Variants in PRKN observed in about 807,000 individuals in gnomAD.
PRKN encodes the protein E3 ubiquitin-protein ligase parkin.
A neutral mutation model predicts 59.5 loss-of-function variants in PRKN; 56 were observed. That is an observed-to-expected ratio of 0.94 (90% CI 0.76 to 1.18). The LOEUF is 1.18. Ranked by LOEUF, PRKN falls within the 50% of genes most tolerant of loss-of-function variation. The probability of loss-of-function intolerance (pLI) is 0.00; values close to 1 mark genes in which losing one functional copy is unlikely to be tolerated. For missense variants in PRKN, 657 were observed against 596.4 expected, an observed-to-expected ratio of 1.10 and a Z score of -1.06; for synonymous variants, 250 against 222.1, an observed-to-expected ratio of 1.13 and a Z score of -1.12.
At chr6:161,496,934 C>A (rs1232766856) in intron 9 of PRKN, among the ~76,000 whole-genome samples, 1 of 152,200 alleles carries the variant, frequency 6.6e-6, no homozygotes, top group Non-Finnish European at 1.5e-5. Context: ...ACCTTGGAGG[C>A]ACCTTGATTT....
At chr6:162,271,018 T>G (rs932812532) in intron 2 of PRKN, among the ~76,000 whole-genome samples, 3 of 143,688 alleles carry the variant, frequency 2.1e-5, no homozygotes, top group East Asian at 2.0e-4. Context: ...ATTTTCTAGT[T>G]TTTTTTTTTT....
chr6:162,112,722 T>C (rs1473133282), intron 4 of PRKN, among the ~76,000 whole-genome samples: 1 of 151,828 alleles, frequency 6.6e-6, no homozygotes, highest in African/African-American at 2.4e-5. Flanking sequence ...GAGGATCACT[T>C]GAGCCCCGGA....
chr6:162,713,246 G>A (rs1032844183), intron 1 of PRKN, among the ~76,000 whole-genome samples: 2 of 152,126 alleles, frequency 1.3e-5, no homozygotes, highest in African/African-American at 4.8e-5. Flanking sequence ...TGTAATCCCA[G>A]CACTTTGGGA....
intron 2 of PRKN, among the ~76,000 whole-genome samples, chr6:162,406,284 G>A (rs569846036): frequency 5.9e-5 from 9 of 152,314 alleles, no homozygotes; most frequent in Non-Finnish European, 1.3e-4. Flanking sequence ...ATGGCTGCAA[G>A]AGTTGGAACT....
intron 2 of PRKN, among the ~76,000 whole-genome samples, chr6:162,407,321 CA>C (rs1377082530): frequency 6.6e-6 from 1 of 152,180 alleles, no homozygotes; most frequent in Non-Finnish European, 1.5e-5. Context: ...TGATGTACTC[CA>C]AGTTATTTTC....
chr6:162,488,041 T>G (rs999193549), intron 1 of PRKN, among the ~76,000 whole-genome samples: 3 of 150,660 alleles, frequency 2.0e-5, no homozygotes, highest in African/African-American at 7.3e-5. Flanking sequence ...TTTTTTTTTT[T>G]TTTTTTTTTT....
chr6:161,938,695 T>A (rs758692048), intron 6 of PRKN, among the ~76,000 whole-genome samples: 18 of 152,168 alleles, frequency 1.2e-4, no homozygotes, highest in Non-Finnish European at 2.4e-4. Context: ...GTCATCTGAT[T>A]TATGGGTATG....
intron 2 of PRKN, among the ~76,000 whole-genome samples, chr6:162,430,446 T>G (rs1789463249): frequency 6.6e-6 from 1 of 152,192 alleles, no homozygotes; most frequent in Admixed American, 6.5e-5. Context: ...TGGACATATT[T>G]GTACACTGTG....
chr6:162,281,106 T>A (rs923384337), intron 2 of PRKN, among the ~76,000 whole-genome samples: 1 of 152,104 alleles, frequency 6.6e-6, no homozygotes, highest in African/African-American at 2.4e-5. Flanking sequence ...GATGAGTTCA[T>A]GTCTTTTGCA....
At chr6:162,518,524 G>A (rs779928360) in intron 1 of PRKN, among the ~76,000 whole-genome samples, 10 of 151,974 alleles carry the variant, frequency 6.6e-5, no homozygotes, top group South Asian at 2.1e-4. Context: ...GTGCCACCAC[G>A]TATGGCTAAT....
rs140595052 is a variant in PRKN, at chr6:162,714,454, T to C, written c.7+13208A>G. Among the ~76,000 whole-genome samples, 749 of 152,248 alleles carry C rather than the reference T, an allele frequency of 4.9e-3. 6 individuals are homozygous for C. The highest frequency in any genetic ancestry group is 9.3e-3 in the Non-Finnish European group (635 of 68,020). On this transcript the variant is annotated intron_variant, in intron 1 of 11. Coordinates refer to ENST00000366898, the MANE Select transcript of PRKN (RefSeq NM_004562.3). ...TTTTTTAAAAAACCCTTCGGAATAA[T>C]TTAAATGAGCTCCCACCCAAATTAA...
rs903261541 is a variant in PRKN, at chr6:161,419,850, A to T, written c.1084-32973T>A. Among the ~76,000 whole-genome samples, 6 of 151,970 alleles carry T rather than the reference A, an allele frequency of 3.9e-5. No individual in the cohort carries two copies. Among genetic ancestry groups the T allele is most frequent in the South Asian group, 2.1e-4 (1 of 4,814 alleles). On this transcript the variant is annotated intron_variant, in intron 9 of 11. Transcript: ENST00000366898. This position sits in a 1 kb window ranked among gnomAD's most constrained non-coding sequence, Gnocchi z 4.1. ...ATTTATTTCACTGTGAAAGGGGGAA[A>T]TTGGTACCTACTTGTGGGATTGCTG...
intron 1 of PRKN, among the ~76,000 whole-genome samples, chr6:162,498,826 G>A (rs1316485356): frequency 1.4e-5 from 2 of 140,734 alleles, no homozygotes; most frequent in Admixed American, 7.2e-5. Flanking sequence ...AGGTTTATGA[G>A]AATTGGACAG....
Position 162,303,103 on chromosome 6 carries a change from C to T in PRKN, c.172-40338G>A, listed in dbSNP as rs79769699. ...GTTACTCATATTTGGAAAGGTAATT[C>T]AGTACTATTTGTTCTGCTATGGTGT... On this transcript the variant is annotated intron_variant, in intron 2 of 11. Coordinates refer to ENST00000366898, the MANE Select transcript of PRKN (RefSeq NM_004562.3). Among the ~76,000 whole-genome samples the T allele has an allele frequency of 3.3e-5, 5 of 150,494 alleles. No individual in the cohort carries two copies. The East Asian group carries it at 7.7e-4, about 23-fold the overall frequency.
In PRKN at chr6:161,911,805, A is replaced by G. The variant is rs187665525; in HGVS notation, c.734+61497T>C. On this transcript the variant is annotated intron_variant, in intron 6 of 11. Transcript: ENST00000366898. ...ATTACAAAGTTTAATTTAGATCTCCATTGTATTCCTTAAAAACAAAGTAAA... is the reference window on the plus strand; with the variant it reads ...ATTACAAAGTTTAATTTAGATCTCCGTTGTATTCCTTAAAAACAAAGTAAA... 2.6e-3 allele frequency among the ~76,000 whole-genome samples: 391 copies of G among 152,326 alleles called. 1 individual carries two copies. Among genetic ancestry groups the G allele is most frequent in the Non-Finnish European group, 4.7e-3 (318 of 68,034 alleles).
intron 1 of PRKN, among the ~76,000 whole-genome samples, chr6:162,556,341 T>TGGGGGG (rs201876234): frequency 1.5e-4 from 14 of 93,100 alleles, no homozygotes; most frequent in Admixed American, 3.1e-4. Context: ...ACTACTCAGC[T>TGGGGGG]GGTGTGTGTG....
In PRKN at chr6:162,543,519, T is replaced by A. The variant is rs148778592; in HGVS notation, c.8-100046A>T. Among the ~76,000 whole-genome samples, 301 of 152,142 alleles carry A rather than the reference T, an allele frequency of 2.0e-3. 3 individuals are homozygous for A. The highest frequency in any genetic ancestry group is 7.0e-3 in the African/African-American group (290 of 41,490). ...AACCCAGGTAGCCTTTGTTCTAAAT[T>A]TGTATAAGTGTGTTCTAAGTTCCTC... On this transcript the variant is annotated intron_variant, in intron 1 of 11. Transcript: ENST00000366898.
At chr6:161,486,883 T>G (rs60245246) in intron 9 of PRKN, among the ~76,000 whole-genome samples, 4,454 of 152,314 alleles carry the variant, frequency 0.029, 202 homozygotes, top group African/African-American at 0.1. Flanking sequence ...CAAGGATTTT[T>G]CAAGAACTTG....
At chr6:162,170,325 T>G (rs180969649) in intron 4 of PRKN, among the ~76,000 whole-genome samples, 79 of 152,332 alleles carry the variant, frequency 5.2e-4, no homozygotes, top group African/African-American at 1.7e-3. Flanking sequence ...GAAAAGCTTC[T>G]TCCCACAGGC....
Sources: allele counts gnomAD v4.1 joint callset (sites outside exome capture counted in the v4.1 genomes callset), GRCh38; gene constraint gnomAD v4.1.1; non-coding constraint Gnocchi (gnomAD v3.1); transcripts MANE v1.5; gene names NCBI Gene and HGNC (gene_info 2026-07-23, HGNC 2026-07-21).